THRB: variants seen among roughly 807,000 people sequenced by gnomAD.
THRB encodes nuclear receptor subfamily 1 group A member 2.
Under a neutral mutation model 47.8 loss-of-function variants are expected in THRB, and 12 were observed. The observed-to-expected ratio is 0.25, with a 90% CI of 0.16 to 0.41. The LOEUF (loss-of-function observed/expected upper bound fraction) is 0.41, where lower values mean the gene tolerates loss of function less well. THRB is among the 10% of genes least tolerant of loss of function. THRB has a pLI of 1.00. For synonymous variants in THRB, 218 were observed against 212.2 expected, an observed-to-expected ratio of 1.03 and a Z score of -0.24; for missense variants, 348 against 589.2, an observed-to-expected ratio of 0.59 and a Z score of 4.24.
At chr3:24,386,993 C>A (rs1177895115) in intron 1 of THRB, among the ~76,000 whole-genome samples, 1 of 152,074 alleles carries the variant, frequency 6.6e-6, no homozygotes, top group Non-Finnish European at 1.5e-5. Context: ...TCATTATTAT[C>A]CACCTCAAGA....
intron 8 of THRB, among the ~76,000 whole-genome samples, chr3:24,135,544 C>T (rs760882934): frequency 5.3e-5 from 8 of 152,148 alleles, no homozygotes; most frequent in Non-Finnish European, 1.2e-4. Context: ...GTTCGGCTGG[C>T]TCTCTGGGAG....
intron 5 of THRB, among the ~76,000 whole-genome samples, chr3:24,162,313 TCTC>T (rs1025730901): frequency 2.0e-5 from 3 of 152,070 alleles, no homozygotes; most frequent in African/African-American, 4.8e-5. Context: ...ACTGCCTTCT[TCTC>T]CTGAATTTGC....
chr3:24,385,627 C>A (rs1165069146), intron 1 of THRB, among the ~76,000 whole-genome samples: 1 of 152,110 alleles, frequency 6.6e-6, no homozygotes, highest in Non-Finnish European at 1.5e-5. Context: ...GGTAGTAATG[C>A]ACACTCACTC....
chr3:24,197,010 T>C (rs978203571), intron 4 of THRB, among the ~76,000 whole-genome samples: 1 of 152,240 alleles, frequency 6.6e-6, no homozygotes, highest in African/African-American at 2.4e-5. Context: ...TTCTACCTTG[T>C]GATATATCCA....
At chr3:24,462,720 C>G (rs2073810861) in intron 1 of THRB, among the ~76,000 whole-genome samples, 6 of 152,144 alleles carry the variant, frequency 3.9e-5, no homozygotes, top group Admixed American at 3.3e-4. Context: ...TGTTCCTGCC[C>G]AGATTCTTCC....
At chr3:24,358,084 T>C (rs1418458872) in intron 1 of THRB, among the ~76,000 whole-genome samples, 2 of 152,188 alleles carry the variant, frequency 1.3e-5, no homozygotes, top group Non-Finnish European at 2.9e-5. Context: ...TGGTTCCTGG[T>C]AGATGTTTAA....
At chr3:24,154,382 G>A (rs1356965166) in intron 5 of THRB, among the ~76,000 whole-genome samples, 5 of 152,176 alleles carry the variant, frequency 3.3e-5, no homozygotes, top group Admixed American at 3.3e-4. Context: ...TGTTCTAGGT[G>A]CTGAAAATAC....
At chr3:24,138,556 A>T (rs1046183565) in intron 8 of THRB, among the ~76,000 whole-genome samples, 2 of 152,166 alleles carry the variant, frequency 1.3e-5, no homozygotes, top group Non-Finnish European at 2.9e-5. Flanking sequence ...AAGAAGTCAC[A>T]CTTAAAAAAG....
intron 1 of THRB, among the ~76,000 whole-genome samples, chr3:24,484,835 C>A (rs1697051948): frequency 1.3e-5 from 2 of 152,158 alleles, no homozygotes; most frequent in Admixed American, 1.3e-4. Flanking sequence ...CTAAAGATAA[C>A]TTTGGAATTA....
intron 1 of THRB, among the ~76,000 whole-genome samples, chr3:24,343,611 G>A (rs1358659753): frequency 1.3e-5 from 2 of 151,882 alleles, no homozygotes; most frequent in South Asian, 2.1e-4. Context: ...TAAACATAAA[G>A]CATATATATC....
At chr3:24,415,613 G>C (rs532336519) in intron 1 of THRB, among the ~76,000 whole-genome samples, 1 of 151,712 alleles carries the variant, frequency 6.6e-6, no homozygotes, top group Non-Finnish European at 1.5e-5. Flanking sequence ...TGAATTCAAC[G>C]GCACATGTAG....
At chr3:24,302,055 T>C (rs917239884) in intron 2 of THRB, among the ~76,000 whole-genome samples, 2 of 152,246 alleles carry the variant, frequency 1.3e-5, no homozygotes, top group Non-Finnish European at 2.9e-5. Flanking sequence ...TAACTTGGTG[T>C]TGGCTAAGCC....
intron 3 of THRB, among the ~76,000 whole-genome samples, chr3:24,255,289 G>A (rs1460182558): frequency 6.6e-6 from 1 of 152,072 alleles, no homozygotes; most frequent in Admixed American, 6.5e-5. Context: ...GCCTTTTACT[G>A]ATTAACCCCT....
intron 1 of THRB, among the ~76,000 whole-genome samples, chr3:24,343,955 A>T (rs1433954025): frequency 2.7e-5 from 4 of 146,140 alleles, no homozygotes; most frequent in Non-Finnish European, 4.5e-5. Flanking sequence ...TATATTATTT[A>T]TATATATATA....
At chr3:24,230,889 GAATTTATTAGAAGTTAAAACTCTAAC>G (rs2048195224) in intron 3 of THRB, among the ~76,000 whole-genome samples, 1 of 152,180 alleles carries the variant, frequency 6.6e-6, no homozygotes, top group Non-Finnish European at 1.5e-5. Flanking sequence ...TCTAGGGACA[GAATTTATTAGAAGTTAAAACTCTAAC>G]ACTGAGACCA....
At chr3:24,127,793 T>G (rs75071532) in intron 9 of THRB, 36 bp from the exon 10 acceptor site, 1 of 1,613,598 alleles carries the variant, frequency 6.2e-7, no homozygotes, top group Non-Finnish European at 8.5e-7. Flanking sequence ...AAAGAACAAA[T>G]GCAAAAATGC....
At chr3:24,402,689 A>G (rs2067514283) in intron 1 of THRB, among the ~76,000 whole-genome samples, 1 of 151,986 alleles carries the variant, frequency 6.6e-6, no homozygotes, top group Admixed American at 6.6e-5. Flanking sequence ...TATTTAACTA[A>G]TTACCTATCA....
intron 1 of THRB, among the ~76,000 whole-genome samples, chr3:24,457,007 T>C (rs888725236): frequency 1.3e-5 from 2 of 152,122 alleles, no homozygotes; most frequent in Non-Finnish European, 2.9e-5. Flanking sequence ...CCTAATTGTG[T>C]TCCTAATTAA....
chr3:24,459,653 A>G (rs2073519398), intron 1 of THRB, among the ~76,000 whole-genome samples: 1 of 152,158 alleles, frequency 6.6e-6, no homozygotes, highest in African/African-American at 2.4e-5. Flanking sequence ...AATGATCGTC[A>G]TTCTAGCTGG....
Sources: allele counts gnomAD v4.1 joint callset (sites outside exome capture counted in the v4.1 genomes callset), GRCh38; gene constraint gnomAD v4.1.1; transcripts MANE v1.5; gene names NCBI Gene and HGNC (gene_info 2026-07-23, HGNC 2026-07-21).